ZNF540: variants seen among roughly 807,000 people sequenced by gnomAD.
ZNF540 encodes CTD-3064H18.6.
A neutral mutation model predicts 11.8 loss-of-function variants in ZNF540; 3 were observed. That is an observed-to-expected ratio of 0.25 (90% CI 0.12 to 0.65). ZNF540 has a LOEUF of 0.65. ZNF540 is among the 30% of genes least tolerant of loss of function. The pLI, the probability that ZNF540 is intolerant of heterozygous loss-of-function variation, is 0.83. For missense variants in ZNF540, 709 were observed against 793.1 expected, an observed-to-expected ratio of 0.89 and a Z score of 1.27; for synonymous variants, 247 against 259.0, an observed-to-expected ratio of 0.95 and a Z score of 0.45.
intron 1 of ZNF540, among the ~76,000 whole-genome samples, chr19:37,551,952 C>A (rs775739286): frequency 6.6e-6 from 1 of 151,856 alleles, no homozygotes. Flanking sequence ...TCTTGTTTTT[C>A]GCTTTCTTGG....
At chr19:37,606,799 A>G (rs898179005) in intron 4 of ZNF540, among the ~76,000 whole-genome samples, 29 of 152,308 alleles carry the variant, frequency 1.9e-4, no homozygotes, top group Middle Eastern at 3.4e-3. Context: ...TTTTATTTAC[A>G]TATATGATCT....
In ZNF540 at chr19:37,612,464, G is replaced by T. The variant is rs200091894; in HGVS notation, c.1184G>T (p.Arg395Leu). ...CKECGKSFNV[R>L]GQLNRHKTIH... Reference sequence around the variant, plus strand: ...GAGTGTGGGAAATCATTTAATGTGCGTGGACAGCTTAATCGGCATAAAACA... The same window carrying T: ...GAGTGTGGGAAATCATTTAATGTGCTTGGACAGCTTAATCGGCATAAAACA... Residue 395 changes from arginine to leucine, a missense_variant, in exon 5 of 5, where the codon CGT becomes CTT. By Grantham distance (102) the Arg-to-Leu change is moderately radical. Coordinates refer to ENST00000316433, the MANE Select transcript of ZNF540 (RefSeq NM_001172225.3). 6 of 1,614,054 alleles carry T rather than the reference G, an allele frequency of 3.7e-6. No homozygotes were observed. The highest frequency in any genetic ancestry group is 2.2e-5 in the South Asian group (2 of 91,082).
At chr19:37,583,878 GCCTTT>G (rs1276072807) in intron 1 of ZNF540, 2 of 1,333,806 alleles carry the variant, frequency 1.5e-6, no homozygotes, top group Admixed American at 2.2e-5. Flanking sequence ...TCAAACGTAA[GCCTTT>G]CCTTAGGGAA....
In ZNF540 at chr19:37,614,116, T is replaced by G; in HGVS notation, c.*853T>G. 1 of 364,342 alleles carries G rather than the reference T, an allele frequency of 2.7e-6. No homozygotes were observed. Among genetic ancestry groups the G allele is most frequent in the Non-Finnish European group, 4.9e-6 (1 of 205,700 alleles). 22.6% of individuals were successfully genotyped at this position (364,342 alleles called of 1,614,324 possible). A position where few individuals can be genotyped will look rare whatever the true frequency, so the allele number is the denominator to read the frequency against. On this transcript the variant is annotated 3_prime_UTR_variant, in exon 5 of 5. Transcript: ENST00000316433. ...TATAAGCCACTGAGTCTACGATATTTTGTTATGCAGCCCAGATAACTAAGG... is the reference window on the plus strand; with the variant it reads ...TATAAGCCACTGAGTCTACGATATTGTGTTATGCAGCCCAGATAACTAAGG...
chr19:37,603,830 AG>A (rs2044059570), intron 4 of ZNF540, among the ~76,000 whole-genome samples: 1 of 152,202 alleles, frequency 6.6e-6, no homozygotes, highest in Non-Finnish European at 1.5e-5. Context: ...AAGGCTATTA[AG>A]TTCTATATAG....
At chr19:37,593,840 C>A (rs993587707), upstream of ZNF540, among the ~76,000 whole-genome samples, 1 of 152,048 alleles carries the variant, frequency 6.6e-6, no homozygotes, top group African/African-American at 2.4e-5. Flanking sequence ...TTATGGGGTG[C>A]CTAAGGACCA....
At chr19:37,564,693 T>A in intron 1 of ZNF540, 1 of 1,613,612 alleles carries the variant, frequency 6.2e-7, no homozygotes, top group South Asian at 1.1e-5. Flanking sequence ...CCAGTATGGA[T>A]CCTTTGATGC....
intron 1 of ZNF540, among the ~76,000 whole-genome samples, chr19:37,581,466 C>CTT (rs1226046583): frequency 4.8e-4 from 67 of 138,708 alleles, no homozygotes; most frequent in African/African-American, 1.4e-3. Context: ...TTCTTTCTTT[C>CTT]TTTTTTTTTT....
upstream of ZNF540, among the ~76,000 whole-genome samples, chr19:37,591,504 A>C (rs2043866770): frequency 6.6e-6 from 1 of 152,240 alleles, no homozygotes. Context: ...AAATATATAA[A>C]GGGAAAGAAT....
At chr19:37,560,666 T>A (rs888479013) in intron 1 of ZNF540, 5 of 152,042 alleles carry the variant, frequency 3.3e-5, no homozygotes, top group African/African-American at 1.2e-4. Context: ...TAATGATTTT[T>A]AAAAAGAAAA....
intron 1 of ZNF540, among the ~76,000 whole-genome samples, chr19:37,573,124 C>CTCTTCCAACTCTTTTTTTTT (rs2043123367): frequency 6.9e-6 from 1 of 145,192 alleles, no homozygotes; most frequent in Non-Finnish European, 1.6e-5. Flanking sequence ...TGCCACCAAC[C>CTCTTCCAACTCTTTTTTTTT]TCTTCCAACT....
rs1160041886 is a variant in ZNF540, at chr19:37,613,069, CAT to C, written c.1790_1791del (p.His597ProfsTer7). 6.2e-7 allele frequency: 1 copy of C among 1,613,930 alleles called. No individual in the cohort carries two copies. Among genetic ancestry groups the C allele is most frequent in the Non-Finnish European group, 8.5e-7 (1 of 1,179,922 alleles). On this transcript the variant is annotated frameshift_variant, in exon 5 of 5. Coordinates refer to ENST00000316433, the MANE Select transcript of ZNF540 (RefSeq NM_001172225.3). LOFTEE classifies it low-confidence loss of function (END_TRUNC). ...TAGTCGTAGTGTAGACCTTAGAATA[CAT>C]CAAAGAATTCATACTGGTGAGAAAC... ...AFSRSVDLRIHQRIHTGEKPY... is the reference protein window; with the variant it reads ...AFSRSVDLRIXQRIHTGEKPY...
upstream of ZNF540, among the ~76,000 whole-genome samples, chr19:37,592,042 G>A (rs746263313): frequency 1.3e-5 from 2 of 152,008 alleles, no homozygotes; most frequent in Non-Finnish European, 2.9e-5. Context: ...TGGATTACTC[G>A]AGGTCAGGAG....
rs1036727893 is a variant in ZNF540, at chr19:37,601,111, T to C, written c.232+6T>C. On this transcript the variant is annotated splice_donor_region_variant and intron_variant, in intron 4 of 4. Transcript: ENST00000316433. ...GACAGGAAGACAGTGCCCCGGTGAG[T>C]TGAGAGTTCATCAGGCAGATGGAAG... 10 of 1,567,590 alleles carry C rather than the reference T, an allele frequency of 6.4e-6. No homozygotes were observed. Among genetic ancestry groups the C allele is most frequent in the African/African-American group, 5.4e-5 (4 of 73,760 alleles).
intron 1 of ZNF540, among the ~76,000 whole-genome samples, chr19:37,570,975 T>A (rs1266689040): frequency 6.6e-6 from 1 of 152,212 alleles, no homozygotes; most frequent in East Asian, 1.9e-4. Context: ...ACTCTAATTT[T>A]AAATCTACTA....
intron 1 of ZNF540, among the ~76,000 whole-genome samples, chr19:37,574,090 G>A (rs1034457466): frequency 6.6e-6 from 1 of 152,066 alleles, no homozygotes; most frequent in Non-Finnish European, 1.5e-5. Flanking sequence ...TTCGTACCCT[G>A]AATGATGAAA....
In ZNF540 at chr19:37,604,296, CTTTT is replaced by C. The variant is rs769163050; in HGVS notation, c.232+3217_232+3220del. On this transcript the variant is annotated intron_variant, in intron 4 of 4. Coordinates refer to ENST00000316433, the MANE Select transcript of ZNF540 (RefSeq NM_001172225.3). Reference sequence around the variant, plus strand: ...CATAGAGCTTTGGAAAATAGCCTTACTTTTTTTTTTTTTTTTTTTTTTTTTTTTT... The same window carrying C: ...CATAGAGCTTTGGAAAATAGCCTTACTTTTTTTTTTTTTTTTTTTTTTTTT... 1.1e-3 allele frequency among the ~76,000 whole-genome samples: 86 copies of C among 75,256 alleles called. 1 individual carries two copies. The highest frequency in any genetic ancestry group is 3.3e-3 in the African/African-American group (62 of 18,856). The allele number at this position is 75,256 out of a possible 152,430, so 49.4% of individuals were successfully genotyped here.
At chr19:37,576,369 A>G (rs1257730539) in intron 1 of ZNF540, among the ~76,000 whole-genome samples, 1 of 152,210 alleles carries the variant, frequency 6.6e-6, no homozygotes, top group Non-Finnish European at 1.5e-5. Context: ...AACACTTGCA[A>G]CTATCTGCAT....
intron 1 of ZNF540, among the ~76,000 whole-genome samples, chr19:37,584,821 G>A (rs1212165905): frequency 3.9e-5 from 6 of 151,976 alleles, no homozygotes; most frequent in Non-Finnish European, 8.8e-5. Flanking sequence ...AAAATTAGCC[G>A]GGCGTGATGG....
Sources: allele counts gnomAD v4.1 joint callset (sites outside exome capture counted in the v4.1 genomes callset), GRCh38; gene constraint gnomAD v4.1.1; transcripts MANE v1.5; gene names NCBI Gene and HGNC (gene_info 2026-07-23, HGNC 2026-07-21).